YWHAZ: variants seen among roughly 807,000 people sequenced by gnomAD.
YWHAZ encodes tyrosine 3-monooxygenase/tryptophan 5-monooxygenase activation protein zeta.
For missense variants in YWHAZ, 79 were observed against 284.8 expected, an observed-to-expected ratio of 0.28 and a Z score of 5.20; for synonymous variants, 87 against 103.6, an observed-to-expected ratio of 0.84 and a Z score of 0.97.
intron 5 of YWHAZ, among the ~76,000 whole-genome samples, chr8:100,921,953 TC>T (rs1333304291): frequency 6.6e-6 from 1 of 152,184 alleles, no homozygotes; most frequent in East Asian, 1.9e-4. Flanking sequence ...ATTTTTATAT[TC>T]CCCAAATCAT....
intron 2 of YWHAZ, among the ~76,000 whole-genome samples, chr8:100,936,688 C>T (rs972124556): frequency 6.6e-6 from 1 of 152,084 alleles, no homozygotes; most frequent in African/African-American, 2.4e-5. Context: ...GTAATTCCAG[C>T]TACTGGGGAG....
rs1287416059 is a variant in YWHAZ, at chr8:100,948,197, A to C, written c.294+399T>G. ...TGAGAAGAGTACTATTTCTACAATG[A>C]GTATCCTATTACATCTCTCTTACCT... On this transcript the variant is annotated intron_variant, in intron 2 of 5. Transcript: ENST00000395958. The surrounding 1 kb of genome is among the most constrained non-coding windows in gnomAD (Gnocchi z 4.2). The C allele has an allele frequency of 2.1e-6, 3 of 1,439,934 alleles. No individual in the cohort carries two copies. The East Asian group carries it at 7.5e-5, about 36-fold the overall frequency. 89.2% of individuals were successfully genotyped at this position (1,439,934 alleles called of 1,614,324 possible). A position where few individuals can be genotyped will look rare whatever the true frequency, so the allele number is the denominator to read the frequency against.
chr8:100,927,653 A>G (rs117232080), intron 2 of YWHAZ, among the ~76,000 whole-genome samples: 1 of 152,322 alleles, frequency 6.6e-6, no homozygotes, highest in Non-Finnish European at 1.5e-5. Context: ...TAAGATGTAA[A>G]ATTTTAAAGC....
In YWHAZ at chr8:100,918,863, G is replaced by C. The variant is rs1053121731; in HGVS notation, c.*1830C>G. ...TTTTTTAAAATGGCATTTTTGTTTG[G>C]TGTTTTCTGCAAAGTACTGAGGAAA... On this transcript the variant is annotated 3_prime_UTR_variant, in exon 6 of 6. Coordinates refer to ENST00000395958, the MANE Select transcript of YWHAZ (RefSeq NM_145690.3). The C allele has an allele frequency of 1.3e-5, 2 of 152,546 alleles. No individual in the cohort carries two copies. The highest frequency in any genetic ancestry group is 6.5e-5 in the Admixed American group (1 of 15,278). The allele number at this position is 152,546 out of a possible 1,614,324, so 9.4% of individuals were successfully genotyped here. A position where few individuals can be genotyped will look rare whatever the true frequency, so the allele number is the denominator to read the frequency against.
chr8:100,922,468 C>T lies in YWHAZ; in HGVS notation c.678+1487G>A, dbSNP rs965795183. ...GCGGTGTGATCTCAGCTCACTGCAA[C>T]CTCTGCCTCCCGGGTTCAAGCAATT... On this transcript the variant is annotated intron_variant, in intron 5 of 5. Coordinates refer to ENST00000395958, the MANE Select transcript of YWHAZ (RefSeq NM_145690.3). The surrounding 1 kb of genome is among the most constrained non-coding windows in gnomAD (Gnocchi z 4.1). 1 of 151,608 alleles carries T rather than the reference C, an allele frequency of 6.6e-6. No homozygotes were observed. Among genetic ancestry groups the T allele is most frequent in the Non-Finnish European group, 1.5e-5 (1 of 67,998 alleles). The allele number at this position is 151,608 out of a possible 1,614,324, so 9.4% of individuals were successfully genotyped here.
upstream of YWHAZ, chr8:100,952,928 T>A (rs1810908086): frequency 1.0e-6 from 1 of 1,000,310 alleles, no homozygotes; most frequent in Non-Finnish European, 1.2e-6. Context: ...TGAGTGTGGC[T>A]GAGTGATGGG....
intron 5 of YWHAZ, 23 bp downstream of exon 5, chr8:100,923,932 T>A: frequency 6.3e-7 from 1 of 1,580,636 alleles, no homozygotes. Context: ...CATTCATCAC[T>A]AATGATGCTG....
At chr8:100,939,257 G>A (rs1814435540) in intron 2 of YWHAZ, among the ~76,000 whole-genome samples, 1 of 152,038 alleles carries the variant, frequency 6.6e-6, no homozygotes, top group Admixed American at 6.5e-5. Flanking sequence ...GGGTGAAAGG[G>A]CTAGCAGGAA....
At chr8:100,920,804 G>C (rs752614441) in intron 5 of YWHAZ, 52 bp from the exon 6 acceptor site, 3 of 685,338 alleles carry the variant, frequency 4.4e-6, no homozygotes, top group East Asian at 6.2e-5. Flanking sequence ...ATGGGGGGGG[G>C]GGGGCGTTTT....
At chr8:100,941,431 A>G (rs936325819) in intron 2 of YWHAZ, among the ~76,000 whole-genome samples, 5 of 152,218 alleles carry the variant, frequency 3.3e-5, no homozygotes, top group African/African-American at 9.6e-5. Flanking sequence ...GTATAACGCT[A>G]ATTTTTAAAA....
intron 1 of YWHAZ, chr8:100,950,497 C>G (rs940038379): frequency 3.0e-6 from 3 of 985,610 alleles, no homozygotes; most frequent in Non-Finnish European, 3.6e-6. Flanking sequence ...CAACCACCCC[C>G]CTCCAGGCTC....
Position 100,918,929 on chromosome 8 carries a change from ATTAT to A in YWHAZ, c.*1760_*1763del, listed in dbSNP as rs1446820781. 4 of 152,586 alleles carry A rather than the reference ATTAT, an allele frequency of 2.6e-5. No individual in the cohort carries two copies. Among genetic ancestry groups the A allele is most frequent in the Admixed American group, 2.6e-4 (4 of 15,282 alleles). The allele number at this position is 152,586 out of a possible 1,614,324, so 9.5% of individuals were successfully genotyped here. ...GCTTTGGGTATAACTTAGCCCCATC[ATTAT>A]TTAGAGAATAGAGGAGGAAGAAAGA... On this transcript the variant is annotated 3_prime_UTR_variant, in exon 6 of 6. Transcript: ENST00000395958.
Position 100,918,441 on chromosome 8 carries a change from T to TATATATATATATATAA in YWHAZ, c.*2251_*2252insTTATATATATATATAT, listed in dbSNP as rs1563661969. The stretch of plus-strand genomic sequence containing the variant: ...ATATATATATATATATATATATATA[T>TATATATATATATATAA]ATAATTATTTTACCTCCTTGGCTTG... On this transcript the variant is annotated 3_prime_UTR_variant, in exon 6 of 6. Coordinates refer to ENST00000395958, the MANE Select transcript of YWHAZ (RefSeq NM_145690.3). The TATATATATATATATAA allele has an allele frequency of 8.3e-6, 1 of 120,814 alleles. No individual in the cohort carries two copies. The highest frequency in any genetic ancestry group is 1.7e-5 in the Non-Finnish European group (1 of 58,308). The allele number at this position is 120,814 out of a possible 1,614,324, so 7.5% of individuals were successfully genotyped here.
At chr8:100,929,954 T>C (rs576011899) in intron 2 of YWHAZ, among the ~76,000 whole-genome samples, 48 of 152,312 alleles carry the variant, frequency 3.2e-4, no homozygotes, top group Non-Finnish European at 5.3e-4. Context: ...CTTCAGAGAA[T>C]ATCCTGCTCA....
At position 100,919,411 on chromosome 8, in the gene YWHAZ, A is replaced by T. The variant is rs1420699521; in HGVS notation, c.*1282T>A. 2 of 152,650 alleles carry T rather than the reference A, an allele frequency of 1.3e-5. No individual in the cohort carries two copies. Among genetic ancestry groups the T allele is most frequent in the African/African-American group, 2.4e-5 (1 of 41,460 alleles). The allele number at this position is 152,650 out of a possible 1,614,324, so 9.5% of individuals were successfully genotyped here. ...GAAAATGCCATATGCCAAAATTTTA[A>T]ATGGAACACACTACATTTTTTTCTA... On this transcript the variant is annotated 3_prime_UTR_variant, in exon 6 of 6. Transcript: ENST00000395958.
intron 2 of YWHAZ, among the ~76,000 whole-genome samples, chr8:100,940,286 G>A (rs1269220205): frequency 4.6e-5 from 7 of 152,064 alleles, no homozygotes; most frequent in Admixed American, 1.3e-4. Context: ...TGGTGGTGGT[G>A]GTAGTTAAAA....
chr8:100,926,476 C>T (rs1813368964), intron 2 of YWHAZ, among the ~76,000 whole-genome samples: 2 of 152,054 alleles, frequency 1.3e-5, no homozygotes, highest in South Asian at 4.1e-4. Context: ...ACTAAAAATA[C>T]AAAAATTAGC....
intron 2 of YWHAZ, chr8:100,934,744 G>A (rs189063779): frequency 1.1e-4 from 17 of 152,248 alleles, no homozygotes; most frequent in Admixed American, 1.0e-3. Context: ...ACATCAAAGT[G>A]TGTAGTTTTG....
At chr8:100,950,417 C>T (rs1810627080) in intron 1 of YWHAZ, 9 of 985,478 alleles carry the variant, frequency 9.1e-6, no homozygotes, top group Non-Finnish European at 8.4e-6. Context: ...TGACTTGAGA[C>T]GTCGGTTACT....
Sources: gnomAD v4.1 joint callset for allele counts (sites outside exome capture counted in the v4.1 genomes callset) on GRCh38, gnomAD v4.1.1 for gene constraint, Gnocchi (gnomAD v3.1) non-coding constraint, MANE v1.5 for transcripts, NCBI Gene and HGNC (gene_info 2026-07-23, HGNC 2026-07-21) for gene names.